DOP1A: variants seen among roughly 807,000 people sequenced by gnomAD.
The protein encoded by DOP1A is DOP1 leucine zipper like protein A.
DOP1A carries 90 observed loss-of-function variants against 267.6 expected under a neutral mutation model. The ratio of observed to expected loss-of-function variants is 0.34; its 90% confidence interval spans 0.28 to 0.40. DOP1A has a LOEUF of 0.40. Ranked by LOEUF, DOP1A falls within the 10% of genes least tolerant of loss-of-function variation. DOP1A has a pLI of 1.00. For missense variants in DOP1A, 2,437 were observed against 2,900.4 expected (o/e 0.84, Z 3.67); for synonymous variants, 932 against 999.1 (o/e 0.93, Z 1.27).
intron 26 of DOP1A, among the ~76,000 whole-genome samples, chr6:83,147,939 C>T (rs1780867822): frequency 6.6e-6 from 1 of 152,070 alleles, no homozygotes; most frequent in Non-Finnish European, 1.5e-5. Context: ...GTTGACAGCC[C>T]TCCATAATAT....
At chr6:83,152,886 G>A (rs1207486571) in intron 30 of DOP1A, among the ~76,000 whole-genome samples, 1 of 152,120 alleles carries the variant, frequency 6.6e-6, no homozygotes, top group Non-Finnish European at 1.5e-5. Context: ...CCAAAGTGCT[G>A]AGGTTACAGG....
At chr6:83,077,805 T>C (rs1249290061) in intron 1 of DOP1A, among the ~76,000 whole-genome samples, 2 of 152,240 alleles carry the variant, frequency 1.3e-5, no homozygotes, top group Admixed American at 1.3e-4. Context: ...TGGGCCACAT[T>C]GGAAGAAGAA....
chr6:83,160,821 G>C (rs992828063), intron 37 of DOP1A, among the ~76,000 whole-genome samples: 3 of 152,118 alleles, frequency 2.0e-5, no homozygotes, highest in Admixed American at 6.5e-5. Flanking sequence ...ATAGGATAAA[G>C]AGTATGCTAC....
intron 18 of DOP1A, 23 bp downstream of exon 18, chr6:83,132,351 C>A: frequency 6.3e-7 from 1 of 1,579,886 alleles, no homozygotes. Context: ...ATCTTGTGCA[C>A]ACCGCCCCCT....
chr6:83,169,989 A>G (rs1449949720), downstream of DOP1A: 1 of 403,514 alleles, frequency 2.5e-6, no homozygotes, highest in East Asian at 5.9e-5. Flanking sequence ...TTTTAAAAGA[A>G]GAGAAAAGGA....
intron 15 of DOP1A, among the ~76,000 whole-genome samples, chr6:83,126,096 A>C (rs986825340): frequency 6.6e-6 from 1 of 151,030 alleles, no homozygotes; most frequent in Non-Finnish European, 1.5e-5. Context: ...GGTAGCTTAC[A>C]TGATTTTTTT....
intron 4 of DOP1A, among the ~76,000 whole-genome samples, chr6:83,106,142 C>G (rs896738453): frequency 3.3e-5 from 5 of 152,102 alleles, no homozygotes; most frequent in Admixed American, 2.6e-4. Flanking sequence ...AATACAAATA[C>G]TTTTAAAGTT....
chr6:83,097,313 A>G (rs1771675352), intron 3 of DOP1A, among the ~76,000 whole-genome samples, 198 bp downstream of exon 3: 1 of 152,198 alleles, frequency 6.6e-6, no homozygotes, highest in African/African-American at 2.4e-5. Flanking sequence ...TTTTAATTCA[A>G]AGAAATAACA....
intron 23 of DOP1A, 34 bp from the exon 24 acceptor site, chr6:83,141,887 A>T (rs1270535998): frequency 6.4e-7 from 1 of 1,571,972 alleles, no homozygotes; most frequent in African/African-American, 1.4e-5. Flanking sequence ...CATTTTTTAA[A>T]AGTTTCACTT....
chr6:83,108,228 G>A (rs1773976454), intron 4 of DOP1A, among the ~76,000 whole-genome samples: 1 of 152,128 alleles, frequency 6.6e-6, no homozygotes, highest in African/African-American at 2.4e-5. Context: ...CACCCTGGCT[G>A]GAGTACAGTG....
rs760070085 is a variant in DOP1A at position 83,159,792 on chromosome 6, A to T, written c.6798-4A>T. The T allele has an allele frequency of 1.2e-6, 2 of 1,614,026 alleles. No homozygotes were observed. The highest frequency in any genetic ancestry group is 2.7e-5 in the African/African-American group (2 of 74,922). On this transcript the variant is annotated splice_polypyrimidine_tract_variant and splice_region_variant and intron_variant, in intron 36 of 38. Transcript: ENST00000349129. ...CTGCTGACAGCACTGTCTCCTGCTT[A>T]CAGGACTTCAGGGCCCTCTGTGGCT...
chr6:83,086,327 T>C (rs150907287), intron 1 of DOP1A, among the ~76,000 whole-genome samples: 1 of 152,048 alleles, frequency 6.6e-6, no homozygotes, highest in East Asian at 1.9e-4. Context: ...TAAGAGAAAA[T>C]ATATGTACTG....
chr6:83,168,080 G>T lies in DOP1A; in HGVS notation c.7311G>T (p.Glu2437Asp). The T allele has an allele frequency of 6.2e-7, 1 of 1,614,146 alleles. No individual in the cohort carries two copies. The highest frequency in any genetic ancestry group is 8.5e-7 in the Non-Finnish European group (1 of 1,180,032). Reference protein sequence around the residue: ...NAFPNKDMKLENHKPCSSKAR... With the variant: ...NAFPNKDMKLDNHKPCSSKAR... The stretch of plus-strand genomic sequence containing the variant: ...TCCCTAATAAGGACATGAAACTGGA[G>T]AACCACAAACCATGTTCCAGCAAAG... Residue 2437 changes from glutamate to aspartate, a missense_variant, in exon 39 of 39, where the codon GAG becomes GAT. By Grantham distance (45) the Glu-to-Asp change is conservative. Around this residue, in one of 9 missense-constraint regions of DOP1A, gnomAD observed 197 missense variants for 246.5 expected, o/e 0.80. Coordinates refer to ENST00000349129, the MANE Select transcript of DOP1A (RefSeq NM_015018.4).
chr6:83,085,977 G>A (rs1175467696), intron 1 of DOP1A, among the ~76,000 whole-genome samples: 1 of 152,054 alleles, frequency 6.6e-6, no homozygotes, highest in African/African-American at 2.4e-5. Flanking sequence ...TGCTGGAGTG[G>A]GCTATAACTG....
intron 5 of DOP1A, 66 bp downstream of exon 5, chr6:83,109,146 C>T: frequency 7.0e-7 from 1 of 1,437,284 alleles, no homozygotes; most frequent in Non-Finnish European, 9.6e-7. Context: ...ATATTTAGGT[C>T]AAATATGTTT....
rs147917187 is a variant in DOP1A at position 83,068,633 on chromosome 6, A to C, written c.-147+854A>C. On this transcript the variant is annotated intron_variant, in intron 1 of 38. Coordinates refer to ENST00000349129, the MANE Select transcript of DOP1A (RefSeq NM_015018.4). ...CAAATAGGCCCTGAACTGTAGAGAGAGAAAAATCTGTTTTGATGTTGTTGG... is the reference window on the plus strand; with the variant it reads ...CAAATAGGCCCTGAACTGTAGAGAGCGAAAAATCTGTTTTGATGTTGTTGG... Among the ~76,000 whole-genome samples the C allele has an allele frequency of 6.6e-5, 10 of 152,324 alleles. No individual in the cohort carries two copies. The East Asian group carries it at 1.4e-3, about 21-fold the overall frequency.
At chr6:83,132,052 C>T in intron 17 of DOP1A, 124 bp from the exon 18 acceptor site, 1 of 1,116,816 alleles carries the variant, frequency 9.0e-7, no homozygotes, top group Non-Finnish European at 1.3e-6. Flanking sequence ...CATCCCCATG[C>T]AGTAGAATAT....
intron 24 of DOP1A, among the ~76,000 whole-genome samples, chr6:83,143,536 T>C (rs535098412): frequency 6.6e-6 from 1 of 152,212 alleles, no homozygotes; most frequent in African/African-American, 2.4e-5. Flanking sequence ...ATGTAAATAA[T>C]AGTAATGTCC....
chr6:83,171,133 A>G (rs1022974805), downstream of DOP1A: 3 of 152,282 alleles, frequency 2.0e-5, no homozygotes, highest in African/African-American at 7.2e-5. Context: ...TGAGCTCAGG[A>G]GTTCAAGACC....
Sources: gnomAD v4.1 joint callset for allele counts (sites outside exome capture counted in the v4.1 genomes callset) on GRCh38, gnomAD v4.1.1 for gene constraint, gnomAD v4.1.1 regional missense constraint, MANE v1.5 for transcripts, NCBI Gene and HGNC (gene_info 2026-07-23, HGNC 2026-07-21) for gene names.